Variants in PLAC1 observed in about 807,000 individuals in gnomAD.
PLAC1 encodes the protein placenta-specific protein 1.
For synonymous variants in PLAC1, 68 were observed against 62.1 expected (o/e 1.09, Z -0.44); for missense variants, 136 against 163.2 (o/e 0.83, Z 0.91).
chrX:134,691,529 G>C, intron 2 of PLAC1, among the ~76,000 whole-genome samples: 1 of 111,430 alleles, frequency 9.0e-6, no homozygotes, highest in East Asian at 2.8e-4. Flanking sequence ...CATCAGACGT[G>C]GCTGAGGCGG....
intron 2 of PLAC1, among the ~76,000 whole-genome samples, chrX:134,671,998 T>C (rs2078457496): frequency 9.0e-6 from 1 of 111,323 alleles, no homozygotes; most frequent in African/African-American, 3.3e-5. Context: ...ATCTCCTCAC[T>C]AGAATGGAAA....
At chrX:134,613,676 G>C (rs1345568112) in intron 1 of PLAC1, among the ~76,000 whole-genome samples, 1 of 111,266 alleles carries the variant, frequency 9.0e-6, no homozygotes, top group Non-Finnish European at 1.9e-5. Context: ...TCCTTACAGA[G>C]AGAAAGGTCT....
At chrX:134,581,077 T>C (rs757896470) in intron 2 of PLAC1, among the ~76,000 whole-genome samples, 1 of 111,836 alleles carries the variant, frequency 8.9e-6, no homozygotes, top group Non-Finnish European at 1.9e-5. Flanking sequence ...GGACAGGGAT[T>C]GTGTGTCTTT....
Position 134,614,780 on chromosome X carries a change from GTGCATT to G in PLAC1, c.-130-12664_-130-12659del, listed in dbSNP as rs1263110481. On this transcript the variant is annotated intron_variant, in intron 1 of 2. Transcript: ENST00000359237. The stretch of plus-strand genomic sequence containing the variant: ...CTCCTGAGTAGCTGGCACTACAGAT[GTGCATT>G]ATCATGCCCAGCTAATTTTTTTTCT... Among the ~76,000 whole-genome samples, 4 of 111,218 alleles carry G rather than the reference GTGCATT, an allele frequency of 3.6e-5. No individual in the cohort carries two copies. The Admixed American group carries it at 3.8e-4, about 11-fold the overall frequency.
At chrX:134,692,266 T>C (rs930388942) in intron 2 of PLAC1, among the ~76,000 whole-genome samples, 3 of 111,515 alleles carry the variant, frequency 2.7e-5, no homozygotes, top group African/African-American at 9.8e-5. Flanking sequence ...ACTGTCCTTT[T>C]CCCCCCTAGA....
rs779515026 is a variant in PLAC1, at chrX:134,734,211, A to G, written n.90-692T>C. Reference sequence around the variant, plus strand: ...TTGTTAGGTTGAAGGTTTAGAATAAATCCTCCACGTGAGTTTTCTCCAAAC... The same window carrying G: ...TTGTTAGGTTGAAGGTTTAGAATAAGTCCTCCACGTGAGTTTTCTCCAAAC... On this transcript the variant is annotated intron_variant and non_coding_transcript_variant, in intron 1 of 2. Coordinates refer to the PLAC1 transcript ENST00000466797. 1.8e-4 allele frequency among the ~76,000 whole-genome samples: 20 copies of G among 112,777 alleles called. No individual in the cohort carries two copies. In the South Asian group the frequency reaches 5.5e-3, roughly 31 times the overall value.
intron 2 of PLAC1, among the ~76,000 whole-genome samples, chrX:134,598,387 G>T (rs1388790295): frequency 8.9e-6 from 1 of 112,017 alleles, no homozygotes; most frequent in East Asian, 2.8e-4. Flanking sequence ...ACTGCACTGG[G>T]TGTTTAAGAA....
chrX:134,737,055 C>A (rs191871454), intron 1 of PLAC1, among the ~76,000 whole-genome samples: 42 of 112,361 alleles, frequency 3.7e-4, no homozygotes, highest in Non-Finnish European at 6.6e-4. Flanking sequence ...TATCTAGCAG[C>A]CCGGTGACCT....
chrX:134,642,537 C>A (rs1310749200), intron 1 of PLAC1, among the ~76,000 whole-genome samples: 1 of 111,045 alleles, frequency 9.0e-6, no homozygotes, highest in Non-Finnish European at 1.9e-5. Flanking sequence ...CTAATTATAA[C>A]ATGGAATGAT....
chrX:134,588,254 T>C (rs1285936082), intron 2 of PLAC1, among the ~76,000 whole-genome samples: 2 of 110,306 alleles, frequency 1.8e-5, no homozygotes, highest in Non-Finnish European at 3.8e-5. Context: ...CTCAGTAATA[T>C]CTGAATCTTG....
intron 1 of PLAC1, among the ~76,000 whole-genome samples, chrX:134,641,624 T>C (rs764496796): frequency 8.9e-6 from 1 of 112,003 alleles, no homozygotes; most frequent in Non-Finnish European, 1.9e-5. Flanking sequence ...CTAGAAATAG[T>C]CTTCTATCAG....
At chrX:134,631,482 G>T in intron 1 of PLAC1, among the ~76,000 whole-genome samples, 1 of 111,830 alleles carries the variant, frequency 8.9e-6, no homozygotes, top group African/African-American at 3.2e-5. Flanking sequence ...GCACAAGGAG[G>T]CTGATGTTAT....
intron 1 of PLAC1, among the ~76,000 whole-genome samples, chrX:134,751,097 T>C (rs2078744098): frequency 1.2e-5 from 1 of 83,855 alleles, no homozygotes; most frequent in African/African-American, 4.9e-5. Context: ...CACTGCAGCC[T>C]GGGCAACACA....
intron 1 of PLAC1, among the ~76,000 whole-genome samples, chrX:134,738,171 G>A (rs1448709353): frequency 1.8e-5 from 2 of 111,380 alleles, no homozygotes; most frequent in Non-Finnish European, 3.8e-5. Flanking sequence ...CAGAGAGGGT[G>A]AGAAAAAAGA....
At chrX:134,736,709 A>G (rs959485084) in intron 1 of PLAC1, among the ~76,000 whole-genome samples, 1 of 111,936 alleles carries the variant, frequency 8.9e-6, no homozygotes, top group African/African-American at 3.3e-5. Flanking sequence ...CCTTCAACCC[A>G]TTTGTATCTC....
chrX:134,737,184 A>C (rs1342525569), intron 1 of PLAC1, among the ~76,000 whole-genome samples: 1 of 112,686 alleles, frequency 8.9e-6, no homozygotes, highest in African/African-American at 3.2e-5. Context: ...TTCCCAAGGA[A>C]ATTCCACTGC....
At chrX:134,652,506 G>A (rs1186554663) in intron 1 of PLAC1, among the ~76,000 whole-genome samples, 1 of 112,095 alleles carries the variant, frequency 8.9e-6, no homozygotes, top group Non-Finnish European at 1.9e-5. Flanking sequence ...CTCATTTGAA[G>A]ATAAACCTGT....
chrX:134,669,536 C>T (rs1290917403), intron 2 of PLAC1, among the ~76,000 whole-genome samples: 1 of 112,136 alleles, frequency 8.9e-6, no homozygotes, highest in East Asian at 2.8e-4. Flanking sequence ...GGTGGGGGAG[C>T]ACAGAGGAGA....
chrX:134,678,576 C>T (rs1052665389), intron 2 of PLAC1, among the ~76,000 whole-genome samples: 2 of 111,735 alleles, frequency 1.8e-5, no homozygotes, highest in Non-Finnish European at 3.8e-5. Context: ...CACTACCTGA[C>T]ATTCTATATT....
Sources: allele counts gnomAD v4.1 joint callset (sites outside exome capture counted in the v4.1 genomes callset), GRCh38; gene constraint gnomAD v4.1.1; transcripts MANE v1.5; gene names NCBI Gene and HGNC (gene_info 2026-07-23, HGNC 2026-07-21).